ZNF296: variants seen among roughly 807,000 people sequenced by gnomAD.
The protein encoded by ZNF296 is zinc finger protein 296, also known as zinc finger protein 342.
ZNF296 carries 1 observed loss-of-function variant against 13.2 expected under a neutral mutation model. The observed-to-expected ratio is 0.08, with a 90% CI of 0.03 to 0.36. ZNF296 has a LOEUF of 0.36. Among genes scored for constraint, ZNF296 ranks in the 10% least tolerant of loss-of-function variants. The pLI is 0.99. For missense variants in ZNF296, 555 were observed against 688.2 expected, an observed-to-expected ratio of 0.81 and a Z score of 2.16; for synonymous variants, 303 against 289.0, an observed-to-expected ratio of 1.05 and a Z score of -0.49.
In ZNF296 at chr19:45,076,131, G is replaced by A; in HGVS notation, c.243C>T (p.Ala81=). The part of the protein sequence containing the change: ...GPMPAGAALL[A]LGPRNPWTLW... ...GGGTCCACGGGTTCCGCGGGCCGAG[G>A]GCGAGGAGGGCGGCCCCGGCGGGCA... The change falls in exon 1 of 3, where the codon GCC becomes GCT. Residue 81 remains alanine, a synonymous_variant. Transcript: ENST00000303809. This position sits in a 1 kb window ranked among gnomAD's most constrained non-coding sequence, Gnocchi z 4.9. The A allele has an allele frequency of 6.4e-7, 1 of 1,558,024 alleles. No individual in the cohort carries two copies. Among genetic ancestry groups the A allele is most frequent in the Non-Finnish European group, 8.6e-7 (1 of 1,157,460 alleles).
At position 45,072,166 on chromosome 19, in the gene ZNF296, C is replaced by T; in HGVS notation, c.863G>A (p.Ser288Asn). 6.2e-7 allele frequency: 1 copy of T among 1,602,356 alleles called. No homozygotes were observed. The highest frequency in any genetic ancestry group is 1.1e-5 in the South Asian group (1 of 89,776). ...CTGGCTGGTGTCGGCCATGAGGGGGCTCTGGGGCGGCACCTGCCGGTGGGT... is the reference window on the plus strand; with the variant it reads ...CTGGCTGGTGTCGGCCATGAGGGGGTTCTGGGGCGGCACCTGCCGGTGGGT... ...KKTHRQVPPQ[S>N]PLMADTSQEQ... Residue 288 changes from serine (S) to asparagine (N), a missense_variant, in exon 3 of 3, where the codon AGC (serine) becomes AAC (asparagine). Physicochemically the swap from Ser to Asn is conservative, Grantham distance 46. Around this residue, in one of 3 missense-constraint regions of ZNF296, gnomAD observed 410 missense variants for 548.0 expected, o/e 0.75. Coordinates refer to ENST00000303809, the MANE Select transcript of ZNF296 (RefSeq NM_145288.3).
At position 45,076,205 on chromosome 19, in the gene ZNF296, A is replaced by G. The variant is rs749327300; in HGVS notation, c.169T>C (p.Ser57Pro). The change falls in exon 1 of 3, where the codon TCC becomes CCC. Residue 57 changes from serine to proline, a missense_variant. This residue lies in a region of ZNF296 where 137 missense variants were observed against 121.9 expected (regional missense o/e 1.12). Transcript: ENST00000303809. The surrounding 1 kb of genome is among the most constrained non-coding windows in gnomAD (Gnocchi z 4.9). ...RLGPFSPKEV[S>P]SAGRFGGEPH... ...TCGCCGCCGAACCGCCCCGCCGAGG[A>G]CACCTCCTTCGGGGAGAAGGGCCCC... 6.6e-7 allele frequency: 1 copy of G among 1,506,474 alleles called. No homozygotes were observed. Among genetic ancestry groups the G allele is most frequent in the South Asian group, 1.3e-5 (1 of 75,346 alleles). 93.3% of individuals were successfully genotyped at this position (1,506,474 alleles called of 1,614,324 possible).
chr19:45,073,040 C>G lies in ZNF296; in HGVS notation c.449-460G>C, dbSNP rs184867578. Among the ~76,000 whole-genome samples the G allele has an allele frequency of 8.9e-3, 1,349 of 152,328 alleles. 21 individuals carry two copies. Among genetic ancestry groups the G allele is most frequent in the African/African-American group, 0.031 (1,269 of 41,572 alleles). On this transcript the variant is annotated intron_variant, in intron 2 of 2. Coordinates refer to ENST00000303809, the MANE Select transcript of ZNF296 (RefSeq NM_145288.3). ...GTGCTGGGATTATAGGCATGAGCCA[C>G]TGTGCTGGGCCATGTGTTTGAAAAT...
At chr19:45,072,610 G>T in intron 2 of ZNF296, 30 bp from the exon 3 acceptor site, 1 of 1,553,342 alleles carries the variant, frequency 6.4e-7, no homozygotes. Flanking sequence ...GAGTGTTAGT[G>T]CGGACAGCTG....
Position 45,072,556 on chromosome 19 carries a change from C to G in ZNF296, c.473G>C (p.Ser158Thr). 1 of 1,606,356 alleles carries G rather than the reference C, an allele frequency of 6.2e-7. No homozygotes were observed. ...GSEREELKAL[S>T]CLRCGKQFTV... is the part of the protein sequence containing the mutation. ...GAACTGTTTGCCACAGCGCAGGCAG[C>G]TCAAGGCCTTCAGCTCCTCTCGTTC... Residue 158 changes from serine (S) to threonine (T), a missense_variant, in exon 3 of 3, where the codon AGC (serine) becomes ACC (threonine). Physicochemically the swap from Ser to Thr is moderately conservative, Grantham distance 58. Coordinates refer to ENST00000303809, the MANE Select transcript of ZNF296 (RefSeq NM_145288.3).
At position 45,071,968 on chromosome 19, in the gene ZNF296, G is replaced by A. The variant is rs1162226573; in HGVS notation, c.1061C>T (p.Ala354Val). 3.7e-6 allele frequency: 6 copies of A among 1,613,474 alleles called. No individual in the cohort carries two copies. The highest frequency in any genetic ancestry group is 5.1e-6 in the Non-Finnish European group (6 of 1,180,032). ...QAGPGGDTWG[A>V]ITTEQRTDPA... ...GTCAGTTCTTTGTTCCGTGGTGATG[G>A]CTCCCCAAGTGTCTCCACCAGGGCC... is the stretch of plus-strand genomic sequence containing the variant. The change falls in exon 3 of 3, where the codon GCC (alanine) becomes GTC (valine). Residue 354 changes from alanine to valine, a missense_variant. By Grantham distance (64) the Ala-to-Val change is moderately conservative. Coordinates refer to ENST00000303809, the MANE Select transcript of ZNF296 (RefSeq NM_145288.3).
At chr19:45,073,273 G>A (rs1967288796) in intron 2 of ZNF296, among the ~76,000 whole-genome samples, 1 of 151,646 alleles carries the variant, frequency 6.6e-6, no homozygotes, top group Non-Finnish European at 1.5e-5. Flanking sequence ...GGGGGAGGGG[G>A]AGAGGGCAGA....
At chr19:45,073,270 G>T (rs1456900069) in intron 2 of ZNF296, among the ~76,000 whole-genome samples, 1 of 151,782 alleles carries the variant, frequency 6.6e-6, no homozygotes, top group Non-Finnish European at 1.5e-5. Flanking sequence ...ACTGGGGGAG[G>T]GGGAGAGGGC....
At chr19:45,072,718 C>T (rs1305795705) in intron 2 of ZNF296, 138 bp from the exon 3 acceptor site, 2 of 1,148,590 alleles carry the variant, frequency 1.7e-6, no homozygotes, top group African/African-American at 3.1e-5. Flanking sequence ...GAAGCTGACG[C>T]TCAGAGGAGG....
At position 45,076,308 on chromosome 19, in the gene ZNF296, G is replaced by T. The variant is rs984200328; in HGVS notation, c.66C>A (p.Asp22Glu). 8 of 1,433,114 alleles carry T rather than the reference G, an allele frequency of 5.6e-6. No individual in the cohort carries two copies. Among genetic ancestry groups the T allele is most frequent in the Non-Finnish European group, 7.3e-6 (8 of 1,091,200 alleles). 88.8% of individuals were successfully genotyped at this position (1,433,114 alleles called of 1,614,324 possible). Residue 22 changes from aspartate to glutamate, a missense_variant, in exon 1 of 3, where the codon GAC (aspartate) becomes GAA (glutamate). By Grantham distance (45) the Asp-to-Glu change is conservative. Coordinates refer to ENST00000303809, the MANE Select transcript of ZNF296 (RefSeq NM_145288.3). The surrounding 1 kb of genome is among the most constrained non-coding windows in gnomAD (Gnocchi z 4.9). Reference sequence around the variant, plus strand: ...CGAGGTCCTGCATTTCCATCTCGTCGTCTGGGTTGGCGGCGGGCGCGGGCT... The same window carrying T: ...CGAGGTCCTGCATTTCCATCTCGTCTTCTGGGTTGGCGGCGGGCGCGGGCT... ...RVEPAPAANP[D>E]DEMEMQDLVI...
chr19:45,076,174 T>C lies in ZNF296; in HGVS notation c.200A>G (p.His67Arg). Residue 67 changes from histidine (H) to arginine (R), a missense_variant, in exon 1 of 3, where the codon CAC becomes CGC. Transcript: ENST00000303809. This position sits in a 1 kb window ranked among gnomAD's most constrained non-coding sequence, Gnocchi z 4.9. ...SSAGRFGGEP[H>R]HSPGPMPAGA... is the part of the protein sequence containing the mutation. ...GGCGGGCATGGGGCCAGGGGAGTGG[T>C]GGGGTTCGCCGCCGAACCGCCCCGC... 6.6e-7 allele frequency: 1 copy of C among 1,510,444 alleles called. No homozygotes were observed. The highest frequency in any genetic ancestry group is 8.8e-7 in the Non-Finnish European group (1 of 1,133,174). 93.6% of individuals were successfully genotyped at this position (1,510,444 alleles called of 1,614,324 possible).
intron 2 of ZNF296, among the ~76,000 whole-genome samples, chr19:45,075,074 G>A (rs534949952): frequency 1.6e-4 from 25 of 152,316 alleles, no homozygotes; most frequent in Admixed American, 1.6e-3. Context: ...AAAGCTCACC[G>A]AGGGTCAAGC....
In ZNF296 at chr19:45,076,471, G is replaced by T; in HGVS notation, c.-98C>A. ...ACGCGCGGACCGTGCGCGCTCAGGTGAGTGACTGCGGCGACCCGCCGCGAA... is the reference window on the plus strand; with the variant it reads ...ACGCGCGGACCGTGCGCGCTCAGGTTAGTGACTGCGGCGACCCGCCGCGAA... On this transcript the variant is annotated 5_prime_UTR_variant, in exon 1 of 3. Transcript: ENST00000303809. This position sits in a 1 kb window ranked among gnomAD's most constrained non-coding sequence, Gnocchi z 4.9. The T allele has an allele frequency of 1.1e-6, 1 of 936,358 alleles. No individual in the cohort carries two copies. The highest frequency in any genetic ancestry group is 1.4e-6 in the Non-Finnish European group (1 of 726,120). 58.0% of individuals were successfully genotyped at this position (936,358 alleles called of 1,614,324 possible).
chr19:45,075,952 G>A (rs1967338865), intron 1 of ZNF296, 90 bp from the exon 2 acceptor site: 1 of 1,589,530 alleles, frequency 6.3e-7, no homozygotes, highest in Non-Finnish European at 8.6e-7. Context: ...AGGTCAGAAG[G>A]GGGCCTGAGG....
intron 2 of ZNF296, among the ~76,000 whole-genome samples, chr19:45,075,145 A>G (rs1019488500): frequency 6.6e-6 from 1 of 152,190 alleles, no homozygotes; most frequent in Admixed American, 6.5e-5. Context: ...AGCACCCGGG[A>G]GCTCGCTCAA....
At chr19:45,074,123 C>T (rs1967303213) in intron 2 of ZNF296, among the ~76,000 whole-genome samples, 1 of 152,004 alleles carries the variant, frequency 6.6e-6, no homozygotes, top group South Asian at 2.1e-4. Context: ...CTTCAGGAGG[C>T]CAAGGCAGGT....
intron 2 of ZNF296, among the ~76,000 whole-genome samples, chr19:45,072,924 G>GCTAA (rs1451290036): frequency 1.3e-5 from 2 of 152,160 alleles, no homozygotes; most frequent in Non-Finnish European, 2.9e-5. Flanking sequence ...ACCATGCCTG[G>GCTAA]CTAATTAGTA....
chr19:45,071,812 C>T lies in ZNF296; in HGVS notation c.1217G>A (p.Arg406His), dbSNP rs1967260245. The T allele has an allele frequency of 3.7e-6, 6 of 1,613,206 alleles. No individual in the cohort carries two copies. Among genetic ancestry groups the T allele is most frequent in the African/African-American group, 1.3e-5 (1 of 74,876 alleles). The change falls in exon 3 of 3, where the codon CGC (arginine) becomes CAC (histidine). Residue 406 changes from arginine (R) to histidine (H), a missense_variant. Around this residue, in one of 3 missense-constraint regions of ZNF296, gnomAD observed 410 missense variants for 548.0 expected, o/e 0.75. Coordinates refer to ENST00000303809, the MANE Select transcript of ZNF296 (RefSeq NM_145288.3). Reference protein sequence around the residue: ...TNSSNLTVHRRSHTGERPYTC... With the variant: ...TNSSNLTVHRHSHTGERPYTC... ...GTAGGGGCGCTCCCCGGTGTGTGAG[C>T]GCCGGTGCACCGTCAGGTTGCTGCT... is the stretch of plus-strand genomic sequence containing the variant.
In ZNF296 at chr19:45,072,318, C is replaced by T. The variant is rs1967271280; in HGVS notation, c.711G>A (p.Lys237=). 6.2e-7 allele frequency: 1 copy of T among 1,613,274 alleles called. No homozygotes were observed. Among genetic ancestry groups the T allele is most frequent in the African/African-American group, 1.3e-5 (1 of 75,066 alleles). Residue 237 remains lysine (K), a synonymous_variant, in exon 3 of 3, where the codon AAG becomes AAA. Coordinates refer to ENST00000303809, the MANE Select transcript of ZNF296 (RefSeq NM_145288.3). ...GGTTGCTGAAGGAGCTGAGGGTCTT[C>T]TTGCACACAGGACAGGTGGGGCTCC... The part of the protein sequence containing the change: ...TRRSPTCPVC[K]KTLSSFSNLK...
Sources: allele counts gnomAD v4.1 joint callset (sites outside exome capture counted in the v4.1 genomes callset), GRCh38; gene constraint gnomAD v4.1.1; regional missense constraint gnomAD v4.1.1; non-coding constraint Gnocchi (gnomAD v3.1); transcripts MANE v1.5; gene names NCBI Gene and HGNC (gene_info 2026-07-23, HGNC 2026-07-21).